Variants in GPC5 observed in about 807,000 individuals in gnomAD.
GPC5 encodes the protein glypican-5.
Under a neutral mutation model 53.9 loss-of-function variants are expected in GPC5, and 47 were observed. The ratio of observed to expected loss-of-function variants is 0.87; its 90% CI spans 0.69 to 1.11. The LOEUF is 1.11. Among genes scored for constraint, GPC5 ranks in the 50% most tolerant of loss-of-function variants. The pLI is 0.00. For synonymous variants in GPC5, 286 were observed against 263.3 expected (o/e 1.09, Z -0.84); for missense variants, 748 against 713.1 (o/e 1.05, Z -0.56).
chr13:91,990,092 T>C (rs1051700741), intron 6 of GPC5, among the ~76,000 whole-genome samples: 2 of 152,232 alleles, frequency 1.3e-5, no homozygotes, highest in African/African-American at 4.8e-5. Context: ...TTCCCATCTA[T>C]GCTATAATTA....
At chr13:92,491,540 C>G (rs1879761918) in intron 7 of GPC5, among the ~76,000 whole-genome samples, 1 of 152,106 alleles carries the variant, frequency 6.6e-6, no homozygotes, top group Admixed American at 6.5e-5. Flanking sequence ...GCAGCACGTT[C>G]TTCACATTCA....
chr13:91,509,325 GGGTT>G (rs1885111094), intron 2 of GPC5, among the ~76,000 whole-genome samples: 1 of 149,216 alleles, frequency 6.7e-6, no homozygotes, highest in African/African-American at 2.4e-5. Flanking sequence ...AAACAAACTT[GGGTT>G]CACTGTGAGA....
intron 2 of GPC5, among the ~76,000 whole-genome samples, chr13:91,633,631 G>A (rs1490650850): frequency 1.3e-5 from 2 of 152,118 alleles, no homozygotes; most frequent in Non-Finnish European, 1.5e-5. Context: ...TTGAGTGTTC[G>A]TCTGGTTGAC....
intron 7 of GPC5, among the ~76,000 whole-genome samples, chr13:92,326,640 T>A (rs1269592716): frequency 6.6e-6 from 1 of 152,292 alleles, no homozygotes; most frequent in South Asian, 2.1e-4. Flanking sequence ...CTTTTCCACT[T>A]GCTTCTACTA....
At chr13:92,035,755 T>TA (rs67401983) in intron 6 of GPC5, among the ~76,000 whole-genome samples, 60,664 of 129,200 alleles carry the variant, frequency 0.47, 14,630 homozygotes, top group Admixed American at 0.52. Flanking sequence ...GAGGAAATGT[T>TA]AAAAAAAAAA....
At chr13:92,321,367 G>A (rs1363701383) in intron 7 of GPC5, among the ~76,000 whole-genome samples, 2 of 152,230 alleles carry the variant, frequency 1.3e-5, no homozygotes, top group African/African-American at 4.8e-5. Context: ...GCCAAGGCGG[G>A]TGGATCACGA....
chr13:91,505,971 G>A (rs1190097676), intron 2 of GPC5, among the ~76,000 whole-genome samples: 1 of 151,806 alleles, frequency 6.6e-6, no homozygotes, highest in African/African-American at 2.4e-5. Flanking sequence ...TTGTAGAATA[G>A]GATTTATTAT....
At chr13:92,212,957 A>G (rs1458327538) in intron 7 of GPC5, among the ~76,000 whole-genome samples, 1 of 152,176 alleles carries the variant, frequency 6.6e-6, no homozygotes, top group Non-Finnish European at 1.5e-5. Context: ...CAATGTAGCC[A>G]GTCAATGACA....
intron 2 of GPC5, among the ~76,000 whole-genome samples, chr13:91,651,026 AGTG>A (rs1566582004): frequency 6.6e-6 from 1 of 152,130 alleles, no homozygotes; most frequent in African/African-American, 2.4e-5. Flanking sequence ...GGTTCTCAGT[AGTG>A]ATTTATATTT....
At chr13:92,493,782 A>ATTCG (rs1879856278) in intron 7 of GPC5, among the ~76,000 whole-genome samples, 1 of 152,174 alleles carries the variant, frequency 6.6e-6, no homozygotes, top group East Asian at 1.9e-4. Flanking sequence ...AGCGCTAGCA[A>ATTCG]TTCGACAAGT....
intron 6 of GPC5, among the ~76,000 whole-genome samples, chr13:91,931,463 A>G (rs1318422592): frequency 6.6e-6 from 1 of 152,034 alleles, no homozygotes; most frequent in African/African-American, 2.4e-5. Context: ...TTTCATCAGC[A>G]CAATTTACAC....
intron 7 of GPC5, among the ~76,000 whole-genome samples, chr13:92,420,965 G>C (rs1876531293): frequency 6.6e-6 from 1 of 152,112 alleles, no homozygotes. Context: ...TTTATTTCCT[G>C]ATTGCTAAAG....
At chr13:91,536,765 A>G (rs895019001) in intron 2 of GPC5, among the ~76,000 whole-genome samples, 2 of 152,194 alleles carry the variant, frequency 1.3e-5, no homozygotes, top group African/African-American at 4.8e-5. Flanking sequence ...CTTTGCCCCC[A>G]GAACTATGAA....
chr13:92,057,554 T>C (rs1234965176), intron 6 of GPC5, among the ~76,000 whole-genome samples: 1 of 150,232 alleles, frequency 6.7e-6, no homozygotes. Context: ...CTTGCTTTTT[T>C]GTGATGCATC....
intron 7 of GPC5, among the ~76,000 whole-genome samples, chr13:92,383,002 C>CA (rs57654180): frequency 0.017 from 1,588 of 93,786 alleles, 17 homozygotes; most frequent in Non-Finnish European, 0.023. Context: ...GACTCCGTCT[C>CA]AAAAAAAAAA....
chr13:92,676,431 G>T (rs1886940206), intron 7 of GPC5, among the ~76,000 whole-genome samples: 1 of 152,086 alleles, frequency 6.6e-6, no homozygotes, highest in South Asian at 2.1e-4. Flanking sequence ...AGATATTGCT[G>T]ATTCAGATGA....
chr13:92,081,082 C>T (rs1477463646), intron 6 of GPC5, among the ~76,000 whole-genome samples: 1 of 152,150 alleles, frequency 6.6e-6, no homozygotes, highest in Non-Finnish European at 1.5e-5. Context: ...CTATCTCACC[C>T]ACTGGTATAT....
chr13:91,548,461 G>T (rs1255725011), intron 2 of GPC5, among the ~76,000 whole-genome samples: 3 of 152,082 alleles, frequency 2.0e-5, no homozygotes, highest in East Asian at 1.9e-4. Flanking sequence ...ATAAATCAAA[G>T]AACTAAATTA....
intron 3 of GPC5, among the ~76,000 whole-genome samples, chr13:91,709,669 T>C (rs2036184580): frequency 6.6e-6 from 1 of 152,264 alleles, no homozygotes; most frequent in Non-Finnish European, 1.5e-5. Flanking sequence ...GCATTTTGCA[T>C]GAATGCAATT....
Sources: gnomAD v4.1 joint callset for allele counts (sites outside exome capture counted in the v4.1 genomes callset) on GRCh38, gnomAD v4.1.1 for gene constraint, MANE v1.5 for transcripts, NCBI Gene and HGNC (gene_info 2026-07-23, HGNC 2026-07-21) for gene names.